The following NEGR1 variants were observed in gnomAD, a reference collection of about 807,000 sequenced individuals.
The protein encoded by NEGR1 is IgLON family member 4.
In NEGR1, 10 loss-of-function variants were observed where a neutral mutation model predicts 40.9. The observed-to-expected ratio is 0.24, with a 90% CI of 0.15 to 0.42. The LOEUF (loss-of-function observed/expected upper bound fraction) is 0.42. Ranked by LOEUF, NEGR1 falls within the 10% of genes least tolerant of loss-of-function variation. NEGR1 has a pLI of 1.00. For missense variants in NEGR1, 352 were observed against 438.9 expected, an observed-to-expected ratio of 0.80 and a Z score of 1.77; for synonymous variants, 185 against 166.8, an observed-to-expected ratio of 1.11 and a Z score of -0.84.
intron 6 of NEGR1, among the ~76,000 whole-genome samples, chr1:71,585,476 G>A (rs568591728): frequency 6.6e-6 from 1 of 151,882 alleles, no homozygotes; most frequent in African/African-American, 2.4e-5. Context: ...ATGTGTTTTT[G>A]GTACCTAATC....
At chr1:72,116,424 C>A (rs1649581832) in intron 1 of NEGR1, among the ~76,000 whole-genome samples, 1 of 151,620 alleles carries the variant, frequency 6.6e-6, no homozygotes, top group Admixed American at 6.6e-5. Flanking sequence ...AACAGTAACA[C>A]CCAATCTGCA....
chr1:71,841,505 G>A (rs574271747), intron 2 of NEGR1, among the ~76,000 whole-genome samples: 28 of 152,040 alleles, frequency 1.8e-4, no homozygotes, highest in Non-Finnish European at 2.8e-4. Flanking sequence ...TTGTCTAATC[G>A]CATCCTGCCT....
intron 2 of NEGR1, among the ~76,000 whole-genome samples, chr1:71,814,794 T>A (rs756291839): frequency 2.6e-5 from 4 of 152,092 alleles, no homozygotes; most frequent in Non-Finnish European, 5.9e-5. Context: ...TATTTGATTA[T>A]TCTCTTTTTT....
chr1:71,862,839 A>T (rs1239915441), intron 2 of NEGR1, among the ~76,000 whole-genome samples: 2 of 152,148 alleles, frequency 1.3e-5, no homozygotes, highest in African/African-American at 4.8e-5. Flanking sequence ...CAACACACAT[A>T]TGAAAAGAAG....
intron 6 of NEGR1, among the ~76,000 whole-genome samples, chr1:71,546,831 G>A (rs72940311): frequency 0.046 from 7,024 of 151,646 alleles, 551 homozygotes; most frequent in African/African-American, 0.16. Flanking sequence ...AAGCCTGCAG[G>A]ACTTGAGGAA....
At chr1:72,096,903 C>T (rs1348638426) in intron 1 of NEGR1, among the ~76,000 whole-genome samples, 2 of 151,956 alleles carry the variant, frequency 1.3e-5, no homozygotes, top group Non-Finnish European at 2.9e-5. Context: ...AGGATGATCT[C>T]GATCTTCTGA....
intron 4 of NEGR1, among the ~76,000 whole-genome samples, chr1:71,678,889 C>T (rs1255887549): frequency 2.0e-5 from 3 of 151,944 alleles, no homozygotes; most frequent in South Asian, 2.1e-4. Context: ...CAAAGGCAGC[C>T]GAGCAAACAG....
intron 2 of NEGR1, among the ~76,000 whole-genome samples, chr1:71,879,009 T>G (rs1660509423): frequency 6.6e-6 from 1 of 151,980 alleles, no homozygotes; most frequent in African/African-American, 2.4e-5. Flanking sequence ...GGTGCATGCC[T>G]GTAATCTCAG....
chr1:72,070,573 T>C (rs1282050408), intron 1 of NEGR1, among the ~76,000 whole-genome samples: 3 of 152,062 alleles, frequency 2.0e-5, no homozygotes, highest in African/African-American at 4.8e-5. Flanking sequence ...TCTAAACTCA[T>C]CTTTTTGATA....
chr1:71,968,831 T>C (rs539029720), intron 1 of NEGR1, among the ~76,000 whole-genome samples: 1 of 152,096 alleles, frequency 6.6e-6, no homozygotes, highest in African/African-American at 2.4e-5. Flanking sequence ...GAGGCCTTGG[T>C]TTTAGGCAGT....
At position 71,776,294 on chromosome 1, in the gene NEGR1, G is replaced by A; in HGVS notation, c.413C>T (p.Pro138Leu). 4 of 1,562,488 alleles carry A rather than the reference G, an allele frequency of 2.6e-6. No homozygotes were observed. The highest frequency in any genetic ancestry group is 2.4e-5 in the South Asian group (2 of 83,884). Residue 138 changes from proline (P) to leucine (L), a missense_variant, in exon 3 of 7, where the codon CCT (proline) becomes CTT (leucine). By Grantham distance (98) the Pro-to-Leu change is moderately conservative. Around this residue, in one of 5 missense-constraint regions of NEGR1, gnomAD observed 50 missense variants for 53.0 expected, o/e 0.94. Coordinates refer to ENST00000357731, the MANE Select transcript of NEGR1 (RefSeq NM_173808.3). ...ATTTGAGATGTCATATATCTTAGGA[G>A]GAACTGAAATGACAAAATACGCAGT... ...TMQVHLTVQV[P>L]PKIYDISNDM...
chr1:72,163,633 G>T (rs1187021855), intron 1 of NEGR1, among the ~76,000 whole-genome samples: 1 of 151,846 alleles, frequency 6.6e-6, no homozygotes, highest in East Asian at 1.9e-4. Flanking sequence ...ATAGAAGCCA[G>T]GTCAAAACTT....
Position 72,002,381 on chromosome 1 carries a change from T to C in NEGR1, c.177-67070A>G, listed in dbSNP as rs2801327. Among the ~76,000 whole-genome samples the C allele has an allele frequency of 9.8e-3, 1,498 of 152,230 alleles. 24 individuals carry two copies. The highest frequency in any genetic ancestry group is 0.035 in the African/African-American group (1,437 of 41,550). On this transcript the variant is annotated intron_variant, in intron 1 of 6. Coordinates refer to ENST00000357731, the MANE Select transcript of NEGR1 (RefSeq NM_173808.3). ...GTGCCTTTTCTAATTAATTTTTCATTCTCGCATTGAATTTCCAATAGTCCC... is the reference window on the plus strand; with the variant it reads ...GTGCCTTTTCTAATTAATTTTTCATCCTCGCATTGAATTTCCAATAGTCCC...
chr1:72,084,208 G>C (rs964566950), intron 1 of NEGR1, among the ~76,000 whole-genome samples: 4 of 152,012 alleles, frequency 2.6e-5, no homozygotes, highest in African/African-American at 9.7e-5. Flanking sequence ...CCCATTTTCA[G>C]CTATGGGGTG....
intron 1 of NEGR1, among the ~76,000 whole-genome samples, chr1:71,948,104 C>T (rs1443770100): frequency 2.0e-5 from 3 of 152,072 alleles, no homozygotes; most frequent in South Asian, 2.1e-4. Context: ...CTTAAAAAAT[C>T]TTTTCACTTT....
intron 1 of NEGR1, among the ~76,000 whole-genome samples, chr1:72,076,515 C>G (rs558656674): frequency 3.4e-5 from 5 of 145,026 alleles, no homozygotes; most frequent in African/African-American, 1.0e-4. Context: ...ATCCCCACCC[C>G]CCCTGCCTCA....
At chr1:71,627,713 T>C (rs188740537) in intron 4 of NEGR1, among the ~76,000 whole-genome samples, 3 of 152,166 alleles carry the variant, frequency 2.0e-5, no homozygotes, top group African/African-American at 7.2e-5. Context: ...CAAGGAATTG[T>C]CCAGACTATT....
chr1:71,756,423 A>AAC (rs1557640534), intron 3 of NEGR1, among the ~76,000 whole-genome samples: 46 of 135,028 alleles, frequency 3.4e-4, no homozygotes, highest in African/African-American at 1.2e-3. Context: ...AAAAAAAAAA[A>AAC]CCAAAAAAAA....
In NEGR1 at chr1:71,550,223, T is replaced by C. The variant is rs562530093; in HGVS notation, c.940+42594A>G. The stretch of plus-strand genomic sequence containing the variant: ...TTCAGCACAGATTAGCTTCTCCATC[T>C]ATGATCATTTCATTCTCATTCTTAT... On this transcript the variant is annotated intron_variant, in intron 6 of 6. Transcript: ENST00000357731. Among the ~76,000 whole-genome samples, 8 of 151,750 alleles carry C rather than the reference T, an allele frequency of 5.3e-5. No individual in the cohort carries two copies. In the South Asian group the frequency reaches 1.7e-3, roughly 32 times the overall value.
Sources: gnomAD v4.1 joint callset for allele counts (sites outside exome capture counted in the v4.1 genomes callset) on GRCh38, gnomAD v4.1.1 for gene constraint, gnomAD v4.1.1 regional missense constraint, MANE v1.5 for transcripts, NCBI Gene and HGNC (gene_info 2026-07-23, HGNC 2026-07-21) for gene names.